C6orf163: variants seen among roughly 807,000 people sequenced by gnomAD.
C6orf163 encodes the protein uncharacterized protein C6orf163.
In C6orf163, 22 loss-of-function variants were observed where a neutral mutation model predicts 28.4. The ratio of observed to expected loss-of-function variants is 0.78; its 90% CI spans 0.55 to 1.11. The LOEUF is 1.11. Ranked by LOEUF, C6orf163 falls within the 50% of genes least tolerant of loss-of-function variation. C6orf163 has a pLI of 0.00. For missense variants in C6orf163, 342 were observed against 389.1 expected, an observed-to-expected ratio of 0.88 and a Z score of 1.02; for synonymous variants, 110 against 123.6, an observed-to-expected ratio of 0.89 and a Z score of 0.73.
At chr6:87,354,930 C>G (rs886244308) in intron 3 of C6orf163, among the ~76,000 whole-genome samples, 3 of 152,216 alleles carry the variant, frequency 2.0e-5, no homozygotes, top group African/African-American at 4.8e-5. Flanking sequence ...AGAGCTGGCT[C>G]TCTCAGGGGC....
At chr6:87,347,937 C>T (rs1376133980) in intron 1 of C6orf163, 6 of 894,310 alleles carry the variant, frequency 6.7e-6, no homozygotes, top group Middle Eastern at 5.6e-4. Context: ...GGGCAGATCA[C>T]TTGAGGTCAA....
intron 4 of C6orf163, among the ~76,000 whole-genome samples, chr6:87,362,082 C>T (rs1431026150): frequency 1.3e-5 from 2 of 152,178 alleles, no homozygotes; most frequent in Non-Finnish European, 2.9e-5. Context: ...TGATTAAGGG[C>T]AGGAACTCCC....
In C6orf163 at chr6:87,356,463, GA is replaced by G. The variant is rs879096964; in HGVS notation, c.517del (p.Arg173AspfsTer20). On this transcript the variant is annotated frameshift_variant, in exon 4 of 5. Coordinates refer to ENST00000388923, the MANE Select transcript of C6orf163 (RefSeq NM_001010868.3). LOFTEE classifies it low-confidence loss of function (END_TRUNC). ...VEAVEKARAE[E>X]RHIAQEAIQA... ...AGCTGTGGAGAAAGCCAGGGCTGAA[GA>G]AAGACACATCGCCCAGGAAGCAATC... 1.5e-5 allele frequency: 23 copies of G among 1,551,772 alleles called. No homozygotes were observed. The South Asian group carries it at 2.5e-4, about 17-fold the overall frequency.
chr6:87,347,601 C>T (rs1777345336), intron 1 of C6orf163: 2 of 985,300 alleles, frequency 2.0e-6, no homozygotes, highest in African/African-American at 1.7e-5. Flanking sequence ...TAGTAGGAGA[C>T]TCTGTGCCGC....
At chr6:87,364,257 C>T (rs1777615965) in intron 4 of C6orf163, among the ~76,000 whole-genome samples, 1 of 150,096 alleles carries the variant, frequency 6.7e-6, no homozygotes, top group Non-Finnish European at 1.5e-5. Context: ...TGCACTCTAG[C>T]CTGGGTGACG....
intron 1 of C6orf163, 200 bp from the exon 2 acceptor site, chr6:87,348,612 C>T (rs1040610611): frequency 2.2e-6 from 3 of 1,350,560 alleles, no homozygotes; most frequent in East Asian, 2.9e-5. Flanking sequence ...CAACTCTATC[C>T]AGGCCTGACA....
intron 1 of C6orf163, chr6:87,348,258 T>C: frequency 1.0e-6 from 1 of 984,614 alleles, no homozygotes; most frequent in Non-Finnish European, 1.2e-6. Context: ...AGAGAGGATA[T>C]TATTATGGGA....
chr6:87,351,638 A>G (rs1777414217), intron 3 of C6orf163, among the ~76,000 whole-genome samples: 1 of 152,238 alleles, frequency 6.6e-6, no homozygotes, highest in African/African-American at 2.4e-5. Flanking sequence ...TGTCTTAGGC[A>G]GGCCTGCTCT....
chr6:87,345,916 C>CAAAAAAAAAAAAAAAA (rs3044136), intron 1 of C6orf163, among the ~76,000 whole-genome samples: 2 of 44,648 alleles, frequency 4.5e-5, no homozygotes, highest in African/African-American at 1.6e-4. Context: ...GACTCTGCCT[C>CAAAAAAAAAAAAAAAA]AAAAAAAAAA....
intron 1 of C6orf163, among the ~76,000 whole-genome samples, 160 bp downstream of exon 1, chr6:87,345,407 A>G (rs1368544273): frequency 6.6e-6 from 1 of 152,194 alleles, no homozygotes; most frequent in Non-Finnish European, 1.5e-5. Context: ...TTCTCCACTT[A>G]CAGTTGTATG....
chr6:87,349,462 A>G (rs530725395), intron 2 of C6orf163, among the ~76,000 whole-genome samples: 5 of 152,238 alleles, frequency 3.3e-5, no homozygotes, highest in African/African-American at 9.6e-5. Flanking sequence ...TATAAGGGCA[A>G]TTTGAATATT....
intron 3 of C6orf163, among the ~76,000 whole-genome samples, chr6:87,352,774 G>A (rs1212440208): frequency 1.3e-5 from 2 of 152,156 alleles, no homozygotes; most frequent in East Asian, 3.9e-4. Context: ...AGAGAGAAAT[G>A]TTGTGACTCA....
At chr6:87,361,783 T>A (rs928113637) in intron 4 of C6orf163, among the ~76,000 whole-genome samples, 2 of 152,174 alleles carry the variant, frequency 1.3e-5, no homozygotes, top group African/African-American at 4.8e-5. Flanking sequence ...TTTTCCCACT[T>A]CTCCCATATG....
intron 3 of C6orf163, among the ~76,000 whole-genome samples, chr6:87,352,546 G>T: frequency 6.6e-6 from 1 of 152,064 alleles, no homozygotes; most frequent in East Asian, 1.9e-4. Context: ...CTTGTTTGAT[G>T]GATAGGTAAT....
intron 4 of C6orf163, chr6:87,356,815 T>C (rs763861331): frequency 3.5e-5 from 9 of 260,510 alleles, no homozygotes; most frequent in Non-Finnish European, 5.9e-5. Context: ...AGATAGCTAC[T>C]CTCTAAATAT....
intron 1 of C6orf163, among the ~76,000 whole-genome samples, chr6:87,346,889 TCA>T (rs1777332862): frequency 6.6e-6 from 1 of 152,234 alleles, no homozygotes; most frequent in Admixed American, 6.5e-5. Context: ...CCTGTACCCT[TCA>T]TCCAGCTTCC....
At chr6:87,347,894 GC>G (rs1777351940) in intron 1 of C6orf163, 1 of 984,158 alleles carries the variant, frequency 1.0e-6, no homozygotes, top group South Asian at 4.7e-5. Context: ...GGTGGCTCAC[GC>G]CTGTAATCCT....
intron 3 of C6orf163, among the ~76,000 whole-genome samples, chr6:87,355,560 C>CA (rs550842170): frequency 2.6e-4 from 39 of 149,128 alleles, no homozygotes; most frequent in South Asian, 4.3e-4. Flanking sequence ...GAACCTGTCT[C>CA]AAAAAAAAAC....
intron 1 of C6orf163, chr6:87,348,411 C>T (rs372832457): frequency 1.7e-5 from 17 of 990,652 alleles, no homozygotes; most frequent in East Asian, 2.2e-4. Context: ...CATTCCACTT[C>T]CCTTCTCCTG....
Sources: allele counts gnomAD v4.1 joint callset (sites outside exome capture counted in the v4.1 genomes callset), GRCh38; gene constraint gnomAD v4.1.1; transcripts MANE v1.5; gene names NCBI Gene and HGNC (gene_info 2026-07-23, HGNC 2026-07-21).